ARMC9: variants seen among roughly 807,000 people sequenced by gnomAD.
The protein encoded by ARMC9 is lisH domain-containing protein ARMC9.
Under a neutral mutation model 107.0 loss-of-function variants are expected in ARMC9, and 94 were observed. The ratio of observed to expected loss-of-function variants is 0.88; its 90% CI spans 0.74 to 1.04. The LOEUF (loss-of-function observed/expected upper bound fraction) is 1.04, where lower values mean the gene tolerates loss of function less well. Ranked by LOEUF, ARMC9 falls within the 50% of genes least tolerant of loss-of-function variation. The pLI, the probability that ARMC9 is intolerant of heterozygous loss-of-function variation, is 0.00. For synonymous variants in ARMC9, 380 were observed against 396.9 expected, an observed-to-expected ratio of 0.96 and a Z score of 0.51; for missense variants, 942 against 1,030.1, an observed-to-expected ratio of 0.91 and a Z score of 1.17.
At chr2:231,307,261 C>T (rs1391053587) in intron 19 of ARMC9, among the ~76,000 whole-genome samples, 1 of 152,166 alleles carries the variant, frequency 6.6e-6, no homozygotes, top group East Asian at 1.9e-4. Flanking sequence ...CATAAGCATG[C>T]TGAGGACTGT....
intron 20 of ARMC9, among the ~76,000 whole-genome samples, chr2:231,340,199 A>G (rs1439920529): frequency 2.6e-5 from 4 of 152,214 alleles, no homozygotes; most frequent in Non-Finnish European, 5.9e-5. Flanking sequence ...AGGCTAAAGG[A>G]AGACAAGAAT....
chr2:231,298,069 A>G (rs2041490503), intron 19 of ARMC9, among the ~76,000 whole-genome samples: 1 of 152,258 alleles, frequency 6.6e-6, no homozygotes, highest in African/African-American at 2.4e-5. Context: ...TAAATGAACA[A>G]ATACAGAAGT....
At chr2:231,364,197 T>G (rs1199947173) in intron 23 of ARMC9, among the ~76,000 whole-genome samples, 6 of 152,214 alleles carry the variant, frequency 3.9e-5, no homozygotes, top group Non-Finnish European at 8.8e-5. Context: ...CTTCTCAGCA[T>G]GGCCCTGCCA....
Position 231,276,774 on chromosome 2 carries a change from A to G in ARMC9, c.1473A>G (p.Thr491=). The change falls in exon 15 of 25, where the codon ACA becomes ACG. Residue 491 remains threonine, a splice_region_variant and synonymous_variant. Coordinates refer to ENST00000611582, the MANE Select transcript of ARMC9 (RefSeq NM_001352754.2). ...ALLMNLCLRS[T]GKNMCAKVAG... The stretch of plus-strand genomic sequence containing the variant: ...TCATGAACCTCTGCCTCCGCAGCAC[A>G]GGTCTCAGCCCCGACCCTCATTCTA... 6.2e-7 allele frequency: 1 copy of G among 1,614,002 alleles called. No individual in the cohort carries two copies. Among genetic ancestry groups the G allele is most frequent in the Non-Finnish European group, 8.5e-7 (1 of 1,179,984 alleles).
intron 9 of ARMC9, among the ~76,000 whole-genome samples, chr2:231,249,868 G>T (rs2037131289): frequency 1.1e-5 from 1 of 93,498 alleles, no homozygotes; most frequent in Non-Finnish European, 2.1e-5. Flanking sequence ...ACGGGAGGGA[G>T]ACCACCGCCC....
intron 19 of ARMC9, among the ~76,000 whole-genome samples, chr2:231,321,318 T>G (rs1207213160): frequency 6.6e-6 from 1 of 151,952 alleles, no homozygotes; most frequent in Non-Finnish European, 1.5e-5. Context: ...CTGGCCCGGA[T>G]GGAGCGGGGA....
intron 12 of ARMC9, among the ~76,000 whole-genome samples, chr2:231,268,240 T>C (rs1252835417): frequency 6.6e-6 from 1 of 152,218 alleles, no homozygotes; most frequent in African/African-American, 2.4e-5. Context: ...ACTATGGTCA[T>C]GTTCTGTTTC....
intron 21 of ARMC9, among the ~76,000 whole-genome samples, chr2:231,352,237 C>T (rs140325414): frequency 0.081 from 12,283 of 152,044 alleles, 1,473 homozygotes; most frequent in African/African-American, 0.26. Context: ...GCTGGGATTA[C>T]AGGTGTGAGC....
intron 1 of ARMC9, 107 bp from the exon 2 acceptor site, chr2:231,206,091 G>T: frequency 1.4e-6 from 1 of 710,546 alleles, no homozygotes; most frequent in African/African-American, 1.8e-5. Flanking sequence ...CTGGGGATTG[G>T]CGCATGGATG....
At position 231,321,323 on chromosome 2, in the gene ARMC9, C is replaced by T. The variant is rs139160090; in HGVS notation, c.1774-10470C>T. 1.6e-3 allele frequency among the ~76,000 whole-genome samples: 236 copies of T among 152,010 alleles called. 3 individuals carry two copies. Among genetic ancestry groups the T allele is most frequent in the African/African-American group, 5.1e-3 (213 of 41,434 alleles). ...AAGGCCAGGGCTGGCCCGGATGGAG[C>T]GGGGATGGAAAGCAGCTGGCAGAGA... On this transcript the variant is annotated intron_variant, in intron 19 of 24. Coordinates refer to ENST00000611582, the MANE Select transcript of ARMC9 (RefSeq NM_001352754.2).
chr2:231,358,261 G>A lies in ARMC9; in HGVS notation c.2131+2327G>A, dbSNP rs1173436538. The stretch of plus-strand genomic sequence containing the variant: ...CTGGGCATGGGCACCCCTGAGCCAT[G>A]TTGCCTTCTGCTTCATTCCTTCCCT... On this transcript the variant is annotated intron_variant, in intron 22 of 24. Coordinates refer to ENST00000611582, the MANE Select transcript of ARMC9 (RefSeq NM_001352754.2). This position sits in a 1 kb window ranked among gnomAD's most constrained non-coding sequence, Gnocchi z 4.5. Among the ~76,000 whole-genome samples, 2 of 152,168 alleles carry A rather than the reference G, an allele frequency of 1.3e-5. No individual in the cohort carries two copies. Among genetic ancestry groups the A allele is most frequent in the Non-Finnish European group, 2.9e-5 (2 of 68,014 alleles).
chr2:231,263,008 G>T (rs1162573529), intron 12 of ARMC9, among the ~76,000 whole-genome samples: 1 of 152,122 alleles, frequency 6.6e-6, no homozygotes, highest in Non-Finnish European at 1.5e-5. Context: ...TTAAGCCCCA[G>T]GCCTGGTACC....
At chr2:231,302,348 C>T (rs1366650557) in intron 19 of ARMC9, among the ~76,000 whole-genome samples, 1 of 149,668 alleles carries the variant, frequency 6.7e-6, no homozygotes, top group Non-Finnish European at 1.5e-5. Context: ...AATAGTAAAT[C>T]CATTACATTA....
chr2:231,275,972 A>G (rs939594965), intron 14 of ARMC9, among the ~76,000 whole-genome samples: 1 of 152,078 alleles, frequency 6.6e-6, no homozygotes, highest in East Asian at 1.9e-4. Context: ...AAAACAAAAA[A>G]CCTATTTGTC....
chr2:231,333,744 A>G (rs1002943556), intron 20 of ARMC9, among the ~76,000 whole-genome samples: 2 of 152,230 alleles, frequency 1.3e-5, no homozygotes, highest in Non-Finnish European at 2.9e-5. Context: ...ACCGCGACGC[A>G]TGTACCCCTG....
intron 17 of ARMC9, among the ~76,000 whole-genome samples, chr2:231,284,911 G>A (rs1000622915): frequency 6.6e-6 from 1 of 152,062 alleles, no homozygotes; most frequent in Non-Finnish European, 1.5e-5. Flanking sequence ...TTTAAATTAT[G>A]GTAGTTAGCC....
Position 231,358,779 on chromosome 2 carries a change from G to A in ARMC9, c.2132-1975G>A, listed in dbSNP as rs895977385. 6.6e-6 allele frequency among the ~76,000 whole-genome samples: 1 copy of A among 152,170 alleles called. No individual in the cohort carries two copies. The highest frequency in any genetic ancestry group is 2.4e-5 in the African/African-American group (1 of 41,442). ...GTGCAGGCCCAGAAAGTACATTCTA[G>A]GCAAAAGACAGCCCCAAATGCCAAC... On this transcript the variant is annotated intron_variant, in intron 22 of 24. Coordinates refer to ENST00000611582, the MANE Select transcript of ARMC9 (RefSeq NM_001352754.2). The surrounding 1 kb of genome is among the most constrained non-coding windows in gnomAD (Gnocchi z 4.5).
intron 21 of ARMC9, among the ~76,000 whole-genome samples, chr2:231,345,841 C>G (rs867857537): frequency 1.3e-5 from 2 of 152,312 alleles, no homozygotes; most frequent in Middle Eastern, 3.4e-3. Context: ...TTAGTTATCC[C>G]CTGAAACTGG....
chr2:231,372,751 T>C lies in ARMC9; in HGVS notation c.*1216T>C, dbSNP rs989228419. 4.6e-5 allele frequency: 4 copies of C among 86,028 alleles called. No individual in the cohort carries two copies. Among genetic ancestry groups the C allele is most frequent in the Non-Finnish European group, 8.2e-5 (4 of 48,856 alleles). 5.3% of individuals were successfully genotyped at this position (86,028 alleles called of 1,614,324 possible). On this transcript the variant is annotated 3_prime_UTR_variant, in exon 25 of 25. Transcript: ENST00000611582. ...GTGTGTGTGTGTGTGTGTGTGTGTG[T>C]GTGTATGAGTGTATGAAGGGAAATG...
Sources: allele counts gnomAD v4.1 joint callset (sites outside exome capture counted in the v4.1 genomes callset), GRCh38; gene constraint gnomAD v4.1.1; non-coding constraint Gnocchi (gnomAD v3.1); transcripts MANE v1.5; gene names NCBI Gene and HGNC (gene_info 2026-07-23, HGNC 2026-07-21).